CRIM1: variants seen among roughly 807,000 people sequenced by gnomAD.
CRIM1 encodes cysteine rich transmembrane BMP regulator 1.
In CRIM1, 32 loss-of-function variants were observed where a neutral mutation model predicts 116.4. The ratio of observed to expected loss-of-function variants is 0.27; its 90% CI spans 0.21 to 0.37. The LOEUF is 0.37. Among genes scored for constraint, CRIM1 ranks in the 10% least tolerant of loss-of-function variants. The pLI is 1.00. For synonymous variants in CRIM1, 590 were observed against 509.2 expected, an observed-to-expected ratio of 1.16 and a Z score of -2.13; for missense variants, 1,331 against 1,354.8, an observed-to-expected ratio of 0.98 and a Z score of 0.28.
chr2:36,417,210 G>C (rs1426052038), intron 2 of CRIM1, among the ~76,000 whole-genome samples: 1 of 152,058 alleles, frequency 6.6e-6, no homozygotes, highest in Non-Finnish European at 1.5e-5. Flanking sequence ...AACTTTTTCT[G>C]ACATCCTTTT....
rs1572911514 is a variant in CRIM1, at chr2:36,517,497, C to T, written c.2161C>T (p.Gln721Ter). 6.2e-7 allele frequency: 1 copy of T among 1,614,172 alleles called. No individual in the cohort carries two copies. Among genetic ancestry groups the T allele is most frequent in the Non-Finnish European group, 8.5e-7 (1 of 1,180,014 alleles). Reference protein sequence around the residue: ...ETEVCPPLLCQNPSRTQDSCC... With the variant: ...ETEVCPPLLC Reference sequence around the variant, plus strand: ...AGAGGTGTGCCCACCGCTGCTCTGCCAGAACCCCTCACGCACCCAGGATTC... The same window carrying T: ...AGAGGTGTGCCCACCGCTGCTCTGCTAGAACCCCTCACGCACCCAGGATTC... The change falls in exon 12 of 17, where the codon CAG becomes TAG. Residue 721 changes from glutamine (Q) to a stop codon, truncating the protein, a stop_gained. Transcript: ENST00000280527. LOFTEE classifies it high-confidence loss of function.
intron 2 of CRIM1, among the ~76,000 whole-genome samples, chr2:36,409,726 A>G (rs977788838): frequency 1.3e-5 from 2 of 152,236 alleles, no homozygotes; most frequent in African/African-American, 2.4e-5. Flanking sequence ...TTATAGACAC[A>G]TATGTTTACT....
intron 13 of CRIM1, among the ~76,000 whole-genome samples, chr2:36,534,166 A>AGGAAGGAAGGAGGGAGTG (rs1558410022): frequency 4.8e-5 from 6 of 126,102 alleles, no homozygotes; most frequent in Non-Finnish European, 8.3e-5. Context: ...GGAAGAAGGA[A>AGGAAGGAAGGAGGGAGTG]GGAAGGAAGG....
At chr2:36,464,908 T>C (rs1248895295) in intron 5 of CRIM1, among the ~76,000 whole-genome samples, 1 of 152,204 alleles carries the variant, frequency 6.6e-6, no homozygotes, top group African/African-American at 2.4e-5. Flanking sequence ...CATACTCAGC[T>C]GTGTTACAGA....
At position 36,441,328 on chromosome 2, in the gene CRIM1, T is replaced by C. The variant is rs1247486578; in HGVS notation, c.576T>C (p.Val192=). Residue 192 remains valine (V), a synonymous_variant, in exon 3 of 17, where the codon GTT becomes GTC. Transcript: ENST00000280527. ...QFSPRCPEDS[V]LIEGYAPPGE... Reference sequence around the variant, plus strand: ...CTCCACGTTGTCCTGAAGATTCTGTTCTGATCGAGGGTTATGCTCCTCCTG... The same window carrying C: ...CTCCACGTTGTCCTGAAGATTCTGTCCTGATCGAGGGTTATGCTCCTCCTG... 1 of 1,614,206 alleles carries C rather than the reference T, an allele frequency of 6.2e-7. No homozygotes were observed. The highest frequency in any genetic ancestry group is 8.5e-7 in the Non-Finnish European group (1 of 1,180,026).
At chr2:36,401,141 T>C (rs967122226) in intron 2 of CRIM1, among the ~76,000 whole-genome samples, 1 of 152,184 alleles carries the variant, frequency 6.6e-6, no homozygotes, top group Non-Finnish European at 1.5e-5. Flanking sequence ...GTTATAGACT[T>C]ATGGAGAATA....
At chr2:36,546,474 TATCA>T (rs1284882162) in intron 15 of CRIM1, among the ~76,000 whole-genome samples, 1 of 152,092 alleles carries the variant, frequency 6.6e-6, no homozygotes, top group East Asian at 1.9e-4. Context: ...TGAACCAGAG[TATCA>T]ACCAAAAGAC....
At chr2:36,524,858 T>C (rs848519) in intron 13 of CRIM1, among the ~76,000 whole-genome samples, 9,708 of 152,184 alleles carry the variant, frequency 0.064, 785 homozygotes, top group East Asian at 0.28. Context: ...AATTCCTGCA[T>C]CTAGATTATA....
chr2:36,396,729 C>T lies in CRIM1; in HGVS notation c.447C>T (p.Ser149=). The T allele has an allele frequency of 2.5e-6, 4 of 1,613,732 alleles. No individual in the cohort carries two copies. Among genetic ancestry groups the T allele is most frequent in the South Asian group, 2.2e-5 (2 of 91,052 alleles). The change falls in exon 2 of 17, where the codon AGC becomes AGT. Residue 149 remains serine (S), a synonymous_variant. Coordinates refer to ENST00000280527, the MANE Select transcript of CRIM1 (RefSeq NM_016441.3). The part of the protein sequence containing the change: ...KCECNTIRTC[S]NPFEFPSQDM... ...AATGTAACACCATTCGAACCTGCAG[C>T]AATCCCTTTGAGTTTCCAAGTCAGG...
At chr2:36,499,411 T>TG in intron 8 of CRIM1, 64 bp downstream of exon 8, 2 of 1,483,974 alleles carry the variant, frequency 1.3e-6, no homozygotes, top group East Asian at 4.6e-5. Flanking sequence ...AAGCATATTA[T>TG]GTAATTGAAT....
At chr2:36,447,380 C>A (rs1263559619) in intron 4 of CRIM1, among the ~76,000 whole-genome samples, 1 of 152,174 alleles carries the variant, frequency 6.6e-6, no homozygotes, top group South Asian at 2.1e-4. Context: ...ATACCACATA[C>A]GTGTTTCAGT....
chr2:36,408,756 A>G (rs1672998369), intron 2 of CRIM1, among the ~76,000 whole-genome samples: 1 of 152,148 alleles, frequency 6.6e-6, no homozygotes, highest in South Asian at 2.1e-4. Context: ...GGACAACTCA[A>G]CCAAGCTGGA....
At chr2:36,523,347 G>T (rs1428356180) in intron 13 of CRIM1, among the ~76,000 whole-genome samples, 1 of 152,180 alleles carries the variant, frequency 6.6e-6, no homozygotes, top group Non-Finnish European at 1.5e-5. Context: ...ACAGAGTGAG[G>T]CCTGAGTAAC....
chr2:36,534,868 T>C lies in CRIM1; in HGVS notation c.2429-2484T>C, dbSNP rs539054747. ...TGGTTTCTTTGTACGGTAACACTGTTACTCAAATTTTATTCAGTGATATTG... is the reference window on the plus strand; with the variant it reads ...TGGTTTCTTTGTACGGTAACACTGTCACTCAAATTTTATTCAGTGATATTG... On this transcript the variant is annotated intron_variant, in intron 13 of 16. Coordinates refer to ENST00000280527, the MANE Select transcript of CRIM1 (RefSeq NM_016441.3). Among the ~76,000 whole-genome samples, 11 of 152,266 alleles carry C rather than the reference T, an allele frequency of 7.2e-5. No homozygotes were observed. In the South Asian group the frequency reaches 2.3e-3, roughly 32 times the overall value.
chr2:36,512,017 A>C (rs1664723539), intron 9 of CRIM1, among the ~76,000 whole-genome samples: 1 of 152,222 alleles, frequency 6.6e-6, no homozygotes, highest in Non-Finnish European at 1.5e-5. Context: ...TTAAATCAAC[A>C]GTCATGTCAT....
intron 14 of CRIM1, among the ~76,000 whole-genome samples, chr2:36,540,466 G>A (rs774548600): frequency 3.9e-5 from 6 of 152,160 alleles, no homozygotes; most frequent in Admixed American, 1.3e-4. Context: ...TGTCTTCATT[G>A]GAGTGAAGAG....
At chr2:36,451,638 G>A (rs760654669) in intron 4 of CRIM1, among the ~76,000 whole-genome samples, 2 of 152,128 alleles carry the variant, frequency 1.3e-5, no homozygotes, top group Non-Finnish European at 2.9e-5. Context: ...TCCTTCCGTG[G>A]TAGAGCTTTC....
intron 7 of CRIM1, among the ~76,000 whole-genome samples, chr2:36,481,586 C>T (rs554062673): frequency 2.0e-5 from 3 of 152,178 alleles, no homozygotes; most frequent in Admixed American, 6.5e-5. Flanking sequence ...GGAATGTCCC[C>T]GTTGAGGTAT....
chr2:36,500,313 C>CAG, intron 8 of CRIM1, among the ~76,000 whole-genome samples: 1 of 152,300 alleles, frequency 6.6e-6, no homozygotes, highest in Non-Finnish European at 1.5e-5. Flanking sequence ...GCCTGGATGA[C>CAG]AGCAAAAGAC....
Sources: gnomAD v4.1 joint callset for allele counts (sites outside exome capture counted in the v4.1 genomes callset) on GRCh38, gnomAD v4.1.1 for gene constraint, MANE v1.5 for transcripts, NCBI Gene and HGNC (gene_info 2026-07-23, HGNC 2026-07-21) for gene names.